The following SVIL variants were observed in gnomAD, a reference collection of about 807,000 sequenced individuals.
SVIL encodes the protein archvillin.
SVIL carries 101 observed loss-of-function variants against 240.4 expected under a neutral mutation model. The observed-to-expected ratio is 0.42, with a 90% confidence interval of 0.36 to 0.50. SVIL has a LOEUF of 0.50. Ranked by LOEUF, SVIL falls within the 20% of genes least tolerant of loss-of-function variation. The pLI is 0.01. For synonymous variants in SVIL, 999 were observed against 1,100.0 expected, an observed-to-expected ratio of 0.91 and a Z score of 1.82; for missense variants, 2,512 against 2,818.7, an observed-to-expected ratio of 0.89 and a Z score of 2.46.
chr10:29,518,848 T>G (rs2132515713), intron 16 of SVIL, among the ~76,000 whole-genome samples: 1 of 152,262 alleles, frequency 6.6e-6, no homozygotes, highest in East Asian at 1.9e-4. Context: ...AGAGCGAGAC[T>G]CCATCTCAAA....
chr10:29,476,385 T>C (rs1946194286), intron 29 of SVIL, among the ~76,000 whole-genome samples: 1 of 152,218 alleles, frequency 6.6e-6, no homozygotes, highest in Non-Finnish European at 1.5e-5. Context: ...TGAGTGTATA[T>C]ACACAAAATA....
chr10:29,536,126 C>A, intron 6 of SVIL, 57 bp from the exon 7 acceptor site: 1 of 1,497,838 alleles, frequency 6.7e-7, no homozygotes, highest in Non-Finnish European at 9.3e-7. Flanking sequence ...AACATATACA[C>A]AGACTTTACC....
At chr10:29,609,930 G>A (rs778881593) in intron 1 of SVIL, among the ~76,000 whole-genome samples, 27 of 152,218 alleles carry the variant, frequency 1.8e-4, no homozygotes, top group Non-Finnish European at 3.2e-4. Context: ...GCAGGCATGA[G>A]CAAAACTCAG....
intron 12 of SVIL, 57 bp from the exon 13 acceptor site, chr10:29,527,113 A>T (rs1330366184): frequency 4.9e-6 from 7 of 1,439,124 alleles, no homozygotes. Flanking sequence ...GAAAAGAAGC[A>T]TTAAGGACAG....
intron 28 of SVIL, 51 bp from the exon 29 acceptor site, chr10:29,480,864 T>C: frequency 6.4e-7 from 1 of 1,563,748 alleles, no homozygotes; most frequent in Non-Finnish European, 8.7e-7. Context: ...CTGCAGCTAT[T>C]CCTTGTCATG....
chr10:29,529,677 A>G (rs766649290), intron 12 of SVIL, 28 bp downstream of exon 12: 2 of 1,571,050 alleles, frequency 1.3e-6, no homozygotes, highest in Non-Finnish European at 1.7e-6. Context: ...CACTATAGAC[A>G]AGGCTGAGAA....
intron 29 of SVIL, among the ~76,000 whole-genome samples, chr10:29,474,269 G>C (rs570181109): frequency 1.2e-4 from 18 of 152,314 alleles, no homozygotes; most frequent in Admixed American, 7.8e-4. Flanking sequence ...TCATCTGGAG[G>C]GGGTGGCAGA....
intron 2 of SVIL, among the ~76,000 whole-genome samples, chr10:29,669,141 G>C (rs1959566566): frequency 6.6e-6 from 1 of 152,194 alleles, no homozygotes; most frequent in African/African-American, 2.4e-5. Flanking sequence ...TAAGAGGATG[G>C]GGGATTCTGT....
chr10:29,621,714 T>G (rs1310804184), intron 1 of SVIL, among the ~76,000 whole-genome samples: 1 of 152,224 alleles, frequency 6.6e-6, no homozygotes, highest in East Asian at 1.9e-4. Flanking sequence ...GGCCTCTTCT[T>G]GATCCTAATA....
In SVIL at chr10:29,463,494, T is replaced by C. The variant is rs1944516374; in HGVS notation, c.6275A>G (p.Lys2092Arg). ...AGGCATGTTAGAGGGAGCCTCACCTTTGCAGTACTGGAGCACAGTCTCCAT... is the reference window on the plus strand; with the variant it reads ...AGGCATGTTAGAGGGAGCCTCACCTCTGCAGTACTGGAGCACAGTCTCCAT... ...SAMETVLQYC[K>R]GKNLKKPAPK... The change falls in exon 35 of 38, where the codon AAA becomes AGA. Residue 2092 changes from lysine (K) to arginine (R), a missense_variant and splice_region_variant. Physicochemically the swap from Lys to Arg is conservative, Grantham distance 26. Transcript: ENST00000355867. 4 of 1,613,804 alleles carry C rather than the reference T, an allele frequency of 2.5e-6. No homozygotes were observed. The highest frequency in any genetic ancestry group is 3.4e-6 in the Non-Finnish European group (4 of 1,179,850).
At chr10:29,721,596 T>C (rs1389868821) in intron 1 of SVIL, among the ~76,000 whole-genome samples, 1 of 151,204 alleles carries the variant, frequency 6.6e-6, no homozygotes, top group African/African-American at 2.4e-5. Flanking sequence ...CAGCAAAGAA[T>C]ATCAGCTGGT....
intron 6 of SVIL, among the ~76,000 whole-genome samples, chr10:29,536,395 C>A (rs1032620531): frequency 1.3e-5 from 2 of 151,794 alleles, no homozygotes; most frequent in African/African-American, 2.4e-5. Flanking sequence ...TACCCCTGAA[C>A]CTAAATTAAA....
intron 1 of SVIL, among the ~76,000 whole-genome samples, chr10:29,719,409 C>T (rs1357102474): frequency 6.6e-6 from 1 of 152,184 alleles, no homozygotes; most frequent in Non-Finnish European, 1.5e-5. Context: ...AATTTATCTA[C>T]ATCCCAAAAC....
At chr10:29,491,096 C>T (rs1947911337) in intron 21 of SVIL, 77 bp from the exon 22 acceptor site, 1 of 1,445,342 alleles carries the variant, frequency 6.9e-7, no homozygotes, top group Admixed American at 2.6e-5. Flanking sequence ...TTGGACTCCA[C>T]AAAGTATTTC....
chr10:29,730,845 C>T (rs143305326), intron 1 of SVIL, among the ~76,000 whole-genome samples: 19 of 152,218 alleles, frequency 1.2e-4, no homozygotes, highest in African/African-American at 4.3e-4. Context: ...CACTGAATAT[C>T]CCAAAAAGGA....
chr10:29,719,264 C>T (rs1353286954), intron 1 of SVIL, among the ~76,000 whole-genome samples: 1 of 152,174 alleles, frequency 6.6e-6, no homozygotes, highest in African/African-American at 2.4e-5. Context: ...ATATAAATAA[C>T]TCCCACAAGC....
intron 1 of SVIL, among the ~76,000 whole-genome samples, chr10:29,733,798 G>T (rs576910552): frequency 6.5e-4 from 99 of 152,324 alleles, no homozygotes; most frequent in Middle Eastern, 3.4e-3. Flanking sequence ...CGCCAGAGTT[G>T]CAAACATCTT....
intron 1 of SVIL, among the ~76,000 whole-genome samples, chr10:29,729,453 GTGTGTGT>G (rs1564368906): frequency 0.18 from 3,640 of 20,082 alleles, 166 homozygotes; most frequent in African/African-American, 0.25. Flanking sequence ...TTATGGAGGT[GTGTGTGT>G]GTGTGTGTGT....
At chr10:29,703,451 A>T (rs1962668487) in intron 1 of SVIL, among the ~76,000 whole-genome samples, 2 of 151,858 alleles carry the variant, frequency 1.3e-5, no homozygotes, top group African/African-American at 4.8e-5. Context: ...ACTCTTTTCC[A>T]CTCATGTTCT....
Sources: allele counts gnomAD v4.1 joint callset (sites outside exome capture counted in the v4.1 genomes callset), GRCh38; gene constraint gnomAD v4.1.1; transcripts MANE v1.5; gene names NCBI Gene and HGNC (gene_info 2026-07-23, HGNC 2026-07-21).